The following ENOX2 variants were observed in gnomAD, a reference collection of about 807,000 sequenced individuals.
ENOX2 encodes ecto-NOX disulfide-thiol exchanger 2.
In ENOX2, 36 loss-of-function variants were observed where a neutral mutation model predicts 45.0. The ratio of observed to expected loss-of-function variants is 0.80; its 90% confidence interval spans 0.61 to 1.06. ENOX2 has a LOEUF of 1.06. ENOX2 is among the 50% of genes least tolerant of loss of function. The pLI is 0.00. For synonymous variants in ENOX2, 174 were observed against 152.3 expected (o/e 1.14, Z -1.05); for missense variants, 423 against 462.5 (o/e 0.91, Z 0.78).
chrX:130,798,381 C>T (rs1432994012), intron 2 of ENOX2, among the ~76,000 whole-genome samples: 2 of 112,603 alleles, frequency 1.8e-5, no homozygotes, highest in African/African-American at 6.4e-5. Context: ...ATTCGCTGTC[C>T]AAAGTTTATT....
At chrX:130,793,634 C>T (rs780332901) in intron 2 of ENOX2, among the ~76,000 whole-genome samples, 10 of 111,837 alleles carry the variant, frequency 8.9e-5, no homozygotes, top group Non-Finnish European at 1.7e-4. Flanking sequence ...TCCATATTTT[C>T]GTACACTCAT....
chrX:130,724,386 G>T (rs775400859), intron 3 of ENOX2, among the ~76,000 whole-genome samples: 1 of 112,658 alleles, frequency 8.9e-6, no homozygotes, highest in African/African-American at 3.2e-5. Flanking sequence ...AGCAGAGCCT[G>T]GGAGACCCTC....
At chrX:130,833,603 T>C (rs1363413695) in intron 2 of ENOX2, among the ~76,000 whole-genome samples, 1 of 111,372 alleles carries the variant, frequency 9.0e-6, no homozygotes, top group Non-Finnish European at 1.9e-5. Context: ...TGGGGATGCC[T>C]GACTTTAGCT....
chrX:130,855,917 AAG>A (rs1412528111), intron 2 of ENOX2, among the ~76,000 whole-genome samples: 3 of 112,095 alleles, frequency 2.7e-5, no homozygotes, highest in Non-Finnish European at 5.6e-5. Flanking sequence ...AAAGGACATA[AAG>A]AGATATTTCA....
chrX:130,640,760 G>A (rs1296581278), intron 10 of ENOX2, among the ~76,000 whole-genome samples: 1 of 111,120 alleles, frequency 9.0e-6, no homozygotes, highest in Non-Finnish European at 1.9e-5. Flanking sequence ...TGGAGGGTAG[G>A]GACTGGGAGG....
chrX:130,735,217 C>T (rs1272657275), intron 3 of ENOX2, among the ~76,000 whole-genome samples: 1 of 112,148 alleles, frequency 8.9e-6, no homozygotes. Context: ...TGGCTGCCAG[C>T]TCTATTATCT....
chrX:130,820,970 ATATGT>A (rs1280684006), intron 2 of ENOX2, among the ~76,000 whole-genome samples: 2 of 112,493 alleles, frequency 1.8e-5, no homozygotes, highest in African/African-American at 6.5e-5. Flanking sequence ...TCACCACAAA[ATATGT>A]TAAGTATGTG....
intron 3 of ENOX2, among the ~76,000 whole-genome samples, chrX:130,769,036 G>A (rs1384794582): frequency 3.6e-5 from 4 of 111,169 alleles, no homozygotes; most frequent in African/African-American, 1.3e-4. Flanking sequence ...TCCGCATGAC[G>A]CTCTATGAAG....
chrX:130,672,972 C>T (rs1307229355), intron 6 of ENOX2, among the ~76,000 whole-genome samples: 1 of 111,931 alleles, frequency 8.9e-6, no homozygotes, highest in Non-Finnish European at 1.9e-5. Flanking sequence ...ATTTCACAGA[C>T]CAGCCCATCA....
intron 2 of ENOX2, among the ~76,000 whole-genome samples, chrX:130,840,746 A>G (rs1308042446): frequency 9.1e-6 from 1 of 110,279 alleles, no homozygotes; most frequent in Non-Finnish European, 1.9e-5. Flanking sequence ...GCATGCCTGT[A>G]GTCTCAGCTA....
chrX:130,665,833 G>A, intron 8 of ENOX2, 84 bp from the exon 9 acceptor site: 1 of 589,019 alleles, frequency 1.7e-6, no homozygotes. Context: ...TGAAATAAAA[G>A]AGAAGCATCA....
At chrX:130,878,946 T>C (rs1272275158) in intron 2 of ENOX2, among the ~76,000 whole-genome samples, 2 of 112,516 alleles carry the variant, frequency 1.8e-5, no homozygotes, top group Admixed American at 1.9e-4. Flanking sequence ...TCCAGAATAG[T>C]CTGATTTACT....
chrX:130,890,941 T>C (rs1213066647), intron 2 of ENOX2, among the ~76,000 whole-genome samples: 3 of 112,963 alleles, frequency 2.7e-5, no homozygotes, highest in African/African-American at 9.6e-5. Context: ...CTGTGGAATT[T>C]AGTCTAGTGA....
intron 5 of ENOX2, among the ~76,000 whole-genome samples, chrX:130,687,023 T>A (rs894623983): frequency 9.0e-6 from 1 of 111,590 alleles, no homozygotes; most frequent in African/African-American, 3.3e-5. Flanking sequence ...CTCAGAACTG[T>A]AGAGGCATGG....
intron 3 of ENOX2, among the ~76,000 whole-genome samples, chrX:130,782,402 T>A (rs1356945934): frequency 9.0e-6 from 1 of 111,218 alleles, no homozygotes; most frequent in Non-Finnish European, 1.9e-5. Context: ...CAGAAAGAGA[T>A]AAAACCAGGA....
At chrX:130,899,157 G>C (rs761336325) in intron 2 of ENOX2, among the ~76,000 whole-genome samples, 3 of 111,144 alleles carry the variant, frequency 2.7e-5, no homozygotes, top group Non-Finnish European at 5.7e-5. Context: ...AGATAACCAG[G>C]GGAGAGTGAA....
chrX:130,781,636 T>TC (rs772039009), intron 3 of ENOX2, among the ~76,000 whole-genome samples: 2 of 112,088 alleles, frequency 1.8e-5, no homozygotes, highest in Admixed American at 9.5e-5. Context: ...TAGTAGGTGA[T>TC]CATAAAAGTC....
intron 3 of ENOX2, among the ~76,000 whole-genome samples, chrX:130,743,616 C>T (rs972709103): frequency 7.3e-5 from 8 of 109,844 alleles, no homozygotes; most frequent in African/African-American, 2.7e-4. Context: ...GGATTACAGG[C>T]ATCTGCCACC....
At chrX:130,874,715 C>A (rs2078660380) in intron 2 of ENOX2, among the ~76,000 whole-genome samples, 1 of 111,645 alleles carries the variant, frequency 9.0e-6, no homozygotes, top group Non-Finnish European at 1.9e-5. Context: ...ACAAAAAACA[C>A]AACAACACAT....
Sources: allele counts gnomAD v4.1 joint callset (sites outside exome capture counted in the v4.1 genomes callset), GRCh38; gene constraint gnomAD v4.1.1; transcripts MANE v1.5; gene names NCBI Gene and HGNC (gene_info 2026-07-23, HGNC 2026-07-21).